Variants in DSG4 observed in about 807,000 individuals in gnomAD.
DSG4 encodes the protein desmoglein-4.
Under a neutral mutation model 93.1 loss-of-function variants are expected in DSG4, and 87 were observed. The observed-to-expected ratio is 0.93, with a 90% CI of 0.79 to 1.12. The LOEUF is 1.12. Among genes scored for constraint, DSG4 ranks in the 50% most tolerant of loss-of-function variants. DSG4 has a pLI of 0.00. For synonymous variants in DSG4, 432 were observed against 452.9 expected (o/e 0.95, Z 0.59); for missense variants, 1,373 against 1,285.7 (o/e 1.07, Z -1.04).
intron 8 of DSG4, among the ~76,000 whole-genome samples, chr18:31,395,743 G>A (rs944754467): frequency 6.6e-6 from 1 of 152,120 alleles, no homozygotes; most frequent in Admixed American, 6.5e-5. Context: ...GCTCGTGCCT[G>A]TAATCCCAGC....
chr18:31,386,069 A>G (rs759466740), intron 2 of DSG4, among the ~76,000 whole-genome samples: 4 of 152,162 alleles, frequency 2.6e-5, no homozygotes, highest in Non-Finnish European at 5.9e-5. Context: ...GCAAGCACAG[A>G]TACAAATGAC....
intron 12 of DSG4, among the ~76,000 whole-genome samples, chr18:31,407,128 AAC>A (rs1385484329): frequency 6.6e-6 from 1 of 152,008 alleles, no homozygotes; most frequent in Admixed American, 6.6e-5. Context: ...AAGGTAATCA[AAC>A]ACACACACAC....
Position 31,386,886 on chromosome 18 carries a change from G to A in DSG4, c.216+67G>A, listed in dbSNP as rs2072194735. ...CAGGGAAGCTTTCAAATATCTCCAAGATTTGCAGGCTTCACTGCTCCACAG... is the reference window on the plus strand; with the variant it reads ...CAGGGAAGCTTTCAAATATCTCCAAAATTTGCAGGCTTCACTGCTCCACAG... On this transcript the variant is annotated intron_variant, in intron 3 of 15. Coordinates refer to ENST00000308128, the MANE Select transcript of DSG4 (RefSeq NM_177986.5). 1.9e-6 allele frequency: 3 copies of A among 1,605,414 alleles called. No individual in the cohort carries two copies. The Admixed American group carries it at 5.0e-5, about 27-fold the overall frequency.
intron 9 of DSG4, among the ~76,000 whole-genome samples, chr18:31,400,083 A>C (rs564596356): frequency 6.6e-6 from 1 of 152,194 alleles, no homozygotes; most frequent in Non-Finnish European, 1.5e-5. Context: ...AGGTACCTAG[A>C]TTATATGTGA....
chr18:31,385,274 C>A, intron 2 of DSG4, 103 bp downstream of exon 2: 2 of 875,824 alleles, frequency 2.3e-6, no homozygotes, highest in Non-Finnish European at 3.4e-6. Flanking sequence ...TTGTAATTAT[C>A]CAGGTAAAAG....
At chr18:31,403,354 A>G in intron 10 of DSG4, 62 bp from the exon 11 acceptor site, 1 of 1,337,066 alleles carries the variant, frequency 7.5e-7, no homozygotes, top group South Asian at 1.2e-5. Flanking sequence ...ATCAGGGGAT[A>G]TGAGAAAGAG....
chr18:31,400,905 C>T lies in DSG4; in HGVS notation c.1302C>T (p.Gly434=). The T allele has an allele frequency of 6.2e-7, 1 of 1,612,382 alleles. No individual in the cohort carries two copies. The highest frequency in any genetic ancestry group is 8.5e-7 in the Non-Finnish European group (1 of 1,179,022). The change falls in exon 10 of 16, where the codon GGC becomes GGT. Residue 434 remains glycine, a synonymous_variant. Coordinates refer to ENST00000308128, the MANE Select transcript of DSG4 (RefSeq NM_177986.5). ...DVRYIIGHDA[G]SWLKIDSRTG... is the part of the protein sequence containing the mutation. ...GATATATCATAGGGCATGATGCAGG[C>T]AGCTGGTTAAAAATTGATTCAAGAA...
chr18:31,407,928 T>C (rs546768700), intron 12 of DSG4, among the ~76,000 whole-genome samples: 6 of 152,316 alleles, frequency 3.9e-5, no homozygotes, highest in Non-Finnish European at 7.3e-5. Context: ...GTTCAAGCCC[T>C]TTGGTGAGAC....
At chr18:31,403,351 G>C (rs1218078617) in intron 10 of DSG4, 65 bp from the exon 11 acceptor site, 1 of 1,302,690 alleles carries the variant, frequency 7.7e-7, no homozygotes, top group Non-Finnish European at 1.1e-6. Context: ...ATCATCAGGG[G>C]ATATGAGAAA....
At chr18:31,396,903 T>G (rs964690891) in intron 8 of DSG4, among the ~76,000 whole-genome samples, 4 of 152,228 alleles carry the variant, frequency 2.6e-5, no homozygotes, top group Admixed American at 1.3e-4. Context: ...TTCCCAGCTG[T>G]GTGTGCCCTG....
At chr18:31,403,866 G>A (rs1256346405) in intron 11 of DSG4, among the ~76,000 whole-genome samples, 1 of 152,016 alleles carries the variant, frequency 6.6e-6, no homozygotes, top group East Asian at 1.9e-4. Flanking sequence ...AAATAGTAGT[G>A]GATAAATACC....
At chr18:31,385,508 A>G (rs1403083818) in intron 2 of DSG4, among the ~76,000 whole-genome samples, 2 of 152,190 alleles carry the variant, frequency 1.3e-5, no homozygotes, top group East Asian at 3.8e-4. Flanking sequence ...AGACAGAAAG[A>G]CAATTAATGG....
At chr18:31,412,244 T>C (rs749714907) in intron 15 of DSG4, among the ~76,000 whole-genome samples, 13 of 152,222 alleles carry the variant, frequency 8.5e-5, no homozygotes, top group South Asian at 2.1e-4. Context: ...TGGAGGACAC[T>C]GTTAAGTGAA....
chr18:31,414,259 T>C lies in DSG4; in HGVS notation c.*664T>C, dbSNP rs1020979101. The C allele has an allele frequency of 3.3e-5, 5 of 152,196 alleles. No individual in the cohort carries two copies. Among genetic ancestry groups the C allele is most frequent in the East Asian group, 1.9e-4 (1 of 5,200 alleles). 9.4% of individuals were successfully genotyped at this position (152,196 alleles called of 1,614,324 possible). Reference sequence around the variant, plus strand: ...TTTTATTGAACTTTATTGATTTATATGATTAACTGTAAATTAATCTAGAAT... The same window carrying C: ...TTTTATTGAACTTTATTGATTTATACGATTAACTGTAAATTAATCTAGAAT... On this transcript the variant is annotated 3_prime_UTR_variant, in exon 16 of 16. Transcript: ENST00000308128.
chr18:31,389,948 G>A (rs1288836918), intron 5 of DSG4, among the ~76,000 whole-genome samples: 1 of 152,168 alleles, frequency 6.6e-6, no homozygotes, highest in Non-Finnish European at 1.5e-5. Flanking sequence ...GGTGAAGGAA[G>A]AGAAGGTGAA....
At chr18:31,380,633 C>T (rs921005718) in intron 1 of DSG4, among the ~76,000 whole-genome samples, 1 of 152,162 alleles carries the variant, frequency 6.6e-6, no homozygotes, top group African/African-American at 2.4e-5. Context: ...TTGAACTTGG[C>T]AACTCTACCA....
chr18:31,403,387 C>T, intron 10 of DSG4, 29 bp from the exon 11 acceptor site: 2 of 1,577,128 alleles, frequency 1.3e-6, no homozygotes, highest in South Asian at 1.1e-5. Context: ...CACCATTTAC[C>T]TCAACACCAA....
rs745484676 is a variant in DSG4, at chr18:31,411,448, G to C, written c.2355G>C (p.Glu785Asp). Residue 785 changes from glutamate to aspartate, a missense_variant and splice_region_variant, in exon 15 of 16, where the codon GAG becomes GAC. Transcript: ENST00000308128. ...CTTTCTTGGACAGCTACTTCTCGGA[G>C]GTAATGCCCTCACAGTCACACATAA... is the stretch of plus-strand genomic sequence containing the variant. Reference protein sequence around the residue: ...NMAFLDSYFSEKAYAYADEDE... With the variant: ...NMAFLDSYFSDKAYAYADEDE... 1 of 1,612,302 alleles carries C rather than the reference G, an allele frequency of 6.2e-7. No individual in the cohort carries two copies. The highest frequency in any genetic ancestry group is 1.1e-5 in the South Asian group (1 of 91,062).
At chr18:31,381,753 A>G (rs898220733) in intron 1 of DSG4, among the ~76,000 whole-genome samples, 2 of 151,706 alleles carry the variant, frequency 1.3e-5, no homozygotes, top group African/African-American at 4.8e-5. Flanking sequence ...TCCCCCTCCC[A>G]GGTTCAGGCA....
Sources: gnomAD v4.1 joint callset for allele counts (sites outside exome capture counted in the v4.1 genomes callset) on GRCh38, gnomAD v4.1.1 for gene constraint, MANE v1.5 for transcripts, NCBI Gene and HGNC (gene_info 2026-07-23, HGNC 2026-07-21) for gene names.